The following RIT2 variants were observed in gnomAD, a reference collection of about 807,000 sequenced individuals.
RIT2 encodes the protein Ras like without CAAX 2.
RIT2 carries 24 observed loss-of-function variants against 23.7 expected under a neutral mutation model. That is an observed-to-expected ratio of 1.01 (90% confidence interval 0.73 to 1.43). The LOEUF (loss-of-function observed/expected upper bound fraction) is 1.43. Ranked by LOEUF, RIT2 falls within the 40% of genes most tolerant of loss-of-function variation. The pLI, the probability that RIT2 is intolerant of heterozygous loss-of-function variation, is 0.00. For missense variants in RIT2, 236 were observed against 266.9 expected, an observed-to-expected ratio of 0.88 and a Z score of 0.81; for synonymous variants, 107 against 91.1, an observed-to-expected ratio of 1.17 and a Z score of -0.99.
intron 4 of RIT2, among the ~76,000 whole-genome samples, chr18:42,860,571 C>G (rs1487889497): frequency 6.6e-6 from 1 of 152,094 alleles, no homozygotes; most frequent in Non-Finnish European, 1.5e-5. Flanking sequence ...AAAAATGATG[C>G]CATTTCTTTT....
At chr18:42,886,983 C>A (rs1188211605) in intron 4 of RIT2, among the ~76,000 whole-genome samples, 1 of 152,046 alleles carries the variant, frequency 6.6e-6, no homozygotes, top group Non-Finnish European at 1.5e-5. Flanking sequence ...AGAAGGAATA[C>A]AATAGAAATT....
intron 4 of RIT2, among the ~76,000 whole-genome samples, chr18:42,908,045 A>T (rs1908669440): frequency 6.6e-6 from 1 of 152,034 alleles, no homozygotes; most frequent in South Asian, 2.1e-4. Context: ...TTTAAAAGAC[A>T]TGGAAAATCT....
At chr18:43,102,861 C>T (rs1048719955) in intron 1 of RIT2, among the ~76,000 whole-genome samples, 4 of 152,024 alleles carry the variant, frequency 2.6e-5, no homozygotes, top group Non-Finnish European at 5.9e-5. Context: ...ACCATGTTGG[C>T]CAGGCTGGTC....
intron 2 of RIT2, among the ~76,000 whole-genome samples, chr18:43,032,094 A>C (rs954286149): frequency 3.9e-5 from 6 of 152,114 alleles, no homozygotes; most frequent in Non-Finnish European, 8.8e-5. Flanking sequence ...AAAGTACTCT[A>C]TGTTTCCATT....
chr18:43,022,504 C>T (rs754861015), intron 2 of RIT2, among the ~76,000 whole-genome samples: 9 of 152,002 alleles, frequency 5.9e-5, no homozygotes, highest in Non-Finnish European at 1.2e-4. Flanking sequence ...GATGGATACC[C>T]TAAATACTGT....
At chr18:43,058,350 A>G (rs1045945822) in intron 1 of RIT2, among the ~76,000 whole-genome samples, 1 of 152,124 alleles carries the variant, frequency 6.6e-6, no homozygotes, top group African/African-American at 2.4e-5. Context: ...ATTATCTGCT[A>G]CTCAAGGAAT....
intron 2 of RIT2, among the ~76,000 whole-genome samples, chr18:43,000,163 C>T (rs1333634389): frequency 6.6e-6 from 1 of 152,076 alleles, no homozygotes; most frequent in East Asian, 1.9e-4. Context: ...GTTTGAATTA[C>T]TCTGTCTACA....
intron 4 of RIT2, among the ~76,000 whole-genome samples, chr18:42,832,866 A>G (rs1486103812): frequency 6.6e-6 from 1 of 152,022 alleles, no homozygotes; most frequent in Non-Finnish European, 1.5e-5. Flanking sequence ...CAGCCTGGCC[A>G]ACAAGGCGAA....
At chr18:43,020,357 T>C (rs1264753383) in intron 2 of RIT2, among the ~76,000 whole-genome samples, 2 of 151,908 alleles carry the variant, frequency 1.3e-5, no homozygotes, top group Non-Finnish European at 2.9e-5. Context: ...TGGTAGCTCA[T>C]GCCTGTTGTC....
chr18:42,777,693 C>A (rs150510487), intron 4 of RIT2, among the ~76,000 whole-genome samples: 9 of 152,226 alleles, frequency 5.9e-5, no homozygotes, highest in African/African-American at 2.2e-4. Flanking sequence ...AGTAACATAG[C>A]TTTAGACCAC....
intron 1 of RIT2, among the ~76,000 whole-genome samples, chr18:43,101,962 T>G (rs1913695072): frequency 1.3e-5 from 2 of 152,224 alleles, no homozygotes; most frequent in Non-Finnish European, 2.9e-5. Context: ...TAATCCTAGA[T>G]AGTAAAGTTG....
chr18:42,821,625 C>G (rs921497263), intron 4 of RIT2, among the ~76,000 whole-genome samples: 2 of 152,038 alleles, frequency 1.3e-5, no homozygotes, highest in African/African-American at 4.8e-5. Flanking sequence ...GCACAGGTAG[C>G]CCCCTCTCAA....
intron 4 of RIT2, among the ~76,000 whole-genome samples, chr18:42,887,351 T>C (rs1291565167): frequency 1.3e-5 from 2 of 152,234 alleles, no homozygotes; most frequent in Admixed American, 6.5e-5. Flanking sequence ...TTTATACTGG[T>C]ACAATGATTT....
chr18:42,743,390 G>C lies in RIT2; in HGVS notation c.*103C>G. On this transcript the variant is annotated 3_prime_UTR_variant, in exon 5 of 5. Transcript: ENST00000326695. ...TTTTACCTACAGGCAGATATTTAAA[G>C]AGAGAGAGACACATAGAGAGATAAT... The C allele has an allele frequency of 1.2e-6, 1 of 824,866 alleles. No individual in the cohort carries two copies. The highest frequency in any genetic ancestry group is 2.0e-6 in the Non-Finnish European group (1 of 511,114). The allele number at this position is 824,866 out of a possible 1,614,324, so 51.1% of individuals were successfully genotyped here.
chr18:43,000,690 G>A, intron 2 of RIT2, among the ~76,000 whole-genome samples: 1 of 151,966 alleles, frequency 6.6e-6, no homozygotes, highest in Non-Finnish European at 1.5e-5. Flanking sequence ...GAGATCTGAT[G>A]GTTTAAAAGT....
At chr18:42,950,110 C>T (rs533210232) in intron 3 of RIT2, among the ~76,000 whole-genome samples, 2 of 152,164 alleles carry the variant, frequency 1.3e-5, no homozygotes, top group East Asian at 3.9e-4. Flanking sequence ...AATTTTCAGT[C>T]AATTATTCTA....
chr18:42,911,471 A>C (rs1908767893), intron 4 of RIT2, among the ~76,000 whole-genome samples: 1 of 152,042 alleles, frequency 6.6e-6, no homozygotes, highest in African/African-American at 2.4e-5. Context: ...TAAAATCAGA[A>C]ATGCAATAGA....
At chr18:42,950,324 G>A (rs1353725420) in intron 3 of RIT2, among the ~76,000 whole-genome samples, 1 of 152,086 alleles carries the variant, frequency 6.6e-6, no homozygotes, top group Non-Finnish European at 1.5e-5. Flanking sequence ...AAATGGTGCT[G>A]AGAGAGCTGG....
Position 42,796,468 on chromosome 18 carries a change from C to T in RIT2, c.427-52748G>A, listed in dbSNP as rs546323399. On this transcript the variant is annotated intron_variant, in intron 4 of 4. Coordinates refer to ENST00000326695, the MANE Select transcript of RIT2 (RefSeq NM_002930.4). ...AGTGAGACCAAGAACCCACCAATTC[C>T]GGACACAGCTGGGTGCTGTGCCCAG... 6.4e-3 allele frequency among the ~76,000 whole-genome samples: 68 copies of T among 10,592 alleles called. No homozygotes were observed. In the East Asian group the frequency reaches 0.1, roughly 16 times the overall value. The allele number at this position is 10,592 out of a possible 152,430, so 6.9% of individuals were successfully genotyped here. A position where few individuals can be genotyped will look rare whatever the true frequency, so the allele number is the denominator to read the frequency against.
Sources: gnomAD v4.1 joint callset for allele counts (sites outside exome capture counted in the v4.1 genomes callset) on GRCh38, gnomAD v4.1.1 for gene constraint, MANE v1.5 for transcripts, NCBI Gene and HGNC (gene_info 2026-07-23, HGNC 2026-07-21) for gene names.